The following NOL4L variants were observed in gnomAD, a reference collection of about 807,000 sequenced individuals.
The protein encoded by NOL4L is nucleolar protein 4-like.
In NOL4L, 7 loss-of-function variants were observed where a neutral mutation model predicts 64.5. The ratio of observed to expected loss-of-function variants is 0.11; its 90% confidence interval spans 0.06 to 0.20. The LOEUF (loss-of-function observed/expected upper bound fraction) is 0.20. Ranked by LOEUF, NOL4L falls within the 10% of genes least tolerant of loss-of-function variation. The probability of loss-of-function intolerance (pLI) is 1.00; values close to 1 mark genes in which losing one functional copy is unlikely to be tolerated. For missense variants in NOL4L, 680 were observed against 967.1 expected, an observed-to-expected ratio of 0.70 and a Z score of 3.94; for synonymous variants, 413 against 401.0, an observed-to-expected ratio of 1.03 and a Z score of -0.36.
At chr20:32,483,176 C>G (rs1394166374) in intron 4 of NOL4L, among the ~76,000 whole-genome samples, 1 of 149,014 alleles carries the variant, frequency 6.7e-6, no homozygotes, top group South Asian at 2.1e-4. Context: ...CGCAGCCGCT[C>G]CCCCGCGCCC....
chr20:32,567,161 T>C (rs1478446622), intron 1 of NOL4L, among the ~76,000 whole-genome samples: 3 of 152,160 alleles, frequency 2.0e-5, no homozygotes, highest in Non-Finnish European at 4.4e-5. Flanking sequence ...CTGAGAGATC[T>C]GGGAGCCAAC....
intron 4 of NOL4L, among the ~76,000 whole-genome samples, chr20:32,505,795 C>A (rs889164805): frequency 1.3e-5 from 2 of 152,096 alleles, no homozygotes; most frequent in Non-Finnish European, 2.9e-5. Flanking sequence ...CACAAAAGGA[C>A]AAAAGGACAT....
intron 6 of NOL4L, among the ~76,000 whole-genome samples, chr20:32,454,246 T>C (rs2013241964): frequency 6.6e-6 from 1 of 152,370 alleles, no homozygotes; most frequent in East Asian, 1.9e-4. Context: ...GCAACGAGCA[T>C]GCTGTCTGTC....
chr20:32,495,200 A>G (rs1030676386), intron 4 of NOL4L, among the ~76,000 whole-genome samples: 1 of 152,254 alleles, frequency 6.6e-6, no homozygotes, highest in Non-Finnish European at 1.5e-5. Context: ...CCTCAGCCAC[A>G]GGAGTATCCC....
chr20:32,512,524 T>C (rs1170470104), intron 3 of NOL4L, among the ~76,000 whole-genome samples: 1 of 152,220 alleles, frequency 6.6e-6, no homozygotes, highest in African/African-American at 2.4e-5. Flanking sequence ...TGATGCATGT[T>C]CTTTTTGCAG....
intron 4 of NOL4L, among the ~76,000 whole-genome samples, chr20:32,481,680 G>T (rs1030677260): frequency 6.6e-6 from 1 of 152,230 alleles, no homozygotes; most frequent in South Asian, 2.1e-4. Flanking sequence ...CCCAGCCTGA[G>T]CCTGGATTAG....
intron 2 of NOL4L, among the ~76,000 whole-genome samples, chr20:32,523,836 T>G (rs1038998301): frequency 3.9e-4 from 59 of 152,312 alleles, no homozygotes; most frequent in African/African-American, 1.4e-3. Context: ...GGGACTTCAC[T>G]GGCAGAGAGA....
intron 1 of NOL4L, among the ~76,000 whole-genome samples, chr20:32,542,687 A>G (rs1047236571): frequency 5.3e-5 from 8 of 152,058 alleles, no homozygotes; most frequent in Admixed American, 1.3e-4. Flanking sequence ...CTTGAACCTT[A>G]CCAAGTTACT....
intron 4 of NOL4L, among the ~76,000 whole-genome samples, chr20:32,497,863 T>TAGC (rs2016759671): frequency 6.6e-6 from 1 of 152,182 alleles, no homozygotes. Context: ...GACGCCCAGG[T>TAGC]AGCAGCTCCT....
At chr20:32,494,703 T>C (rs1439426769) in intron 4 of NOL4L, among the ~76,000 whole-genome samples, 1 of 152,120 alleles carries the variant, frequency 6.6e-6, no homozygotes, top group Non-Finnish European at 1.5e-5. Context: ...ACGTGACCCT[T>C]TTGCAGCAAT....
chr20:32,477,061 G>A (rs552030828), intron 4 of NOL4L, among the ~76,000 whole-genome samples: 1 of 152,324 alleles, frequency 6.6e-6, no homozygotes, highest in South Asian at 2.1e-4. Flanking sequence ...CACAGTGCAC[G>A]TAACCCTGGC....
At chr20:32,494,453 T>G (rs2016607407) in intron 4 of NOL4L, among the ~76,000 whole-genome samples, 1 of 151,888 alleles carries the variant, frequency 6.6e-6, no homozygotes, top group South Asian at 2.1e-4. Flanking sequence ...CCTCTCTTCT[T>G]CCTCCCCACT....
intron 4 of NOL4L, among the ~76,000 whole-genome samples, chr20:32,498,491 G>A (rs999817956): frequency 2.0e-5 from 3 of 151,816 alleles, no homozygotes; most frequent in South Asian, 2.1e-4. Context: ...CACAGGGCAT[G>A]GTGGCTCATG....
At chr20:32,580,847 G>C (rs552487901) in intron 1 of NOL4L, among the ~76,000 whole-genome samples, 398 of 152,346 alleles carry the variant, frequency 2.6e-3, no homozygotes, top group Non-Finnish European at 4.6e-3. Flanking sequence ...GACAGCCCAG[G>C]GCCCCACCTC....
At chr20:32,491,156 G>A (rs1402705195) in intron 4 of NOL4L, among the ~76,000 whole-genome samples, 4 of 152,218 alleles carry the variant, frequency 2.6e-5, no homozygotes, top group Non-Finnish European at 5.9e-5. Context: ...GCAGGGGAGA[G>A]AGAGATTAAA....
chr20:32,494,811 C>T (rs1003049642), intron 4 of NOL4L, among the ~76,000 whole-genome samples: 2 of 152,218 alleles, frequency 1.3e-5, no homozygotes, highest in African/African-American at 4.8e-5. Flanking sequence ...ACAGAGACAC[C>T]AACCCAACAT....
At chr20:32,534,749 C>T (rs2018457715) in intron 1 of NOL4L, among the ~76,000 whole-genome samples, 1 of 151,716 alleles carries the variant, frequency 6.6e-6, no homozygotes, top group South Asian at 2.1e-4. Context: ...GGCGTGGCGG[C>T]ATTCGACTGT....
chr20:32,535,187 T>C (rs1043547197), intron 1 of NOL4L, among the ~76,000 whole-genome samples: 1 of 151,732 alleles, frequency 6.6e-6, no homozygotes, highest in African/African-American at 2.4e-5. Context: ...AATCAGGTGA[T>C]TGAAGAGAGG....
intron 1 of NOL4L, among the ~76,000 whole-genome samples, chr20:32,568,005 TCAC>T (rs1299026077): frequency 6.6e-6 from 1 of 151,344 alleles, no homozygotes; most frequent in Non-Finnish European, 1.5e-5. Flanking sequence ...ACCATATTCA[TCAC>T]CATCATCATC....
Sources: gnomAD v4.1 joint callset for allele counts (sites outside exome capture counted in the v4.1 genomes callset) on GRCh38, gnomAD v4.1.1 for gene constraint, MANE v1.5 for transcripts, NCBI Gene and HGNC (gene_info 2026-07-23, HGNC 2026-07-21) for gene names.